GPHN: variants seen among roughly 807,000 people sequenced by gnomAD.
GPHN encodes the protein gephyrin.
In GPHN, 17 loss-of-function variants were observed where a neutral mutation model predicts 95.5. That is an observed-to-expected ratio of 0.18 (90% confidence interval 0.12 to 0.27). The LOEUF is 0.27. Ranked by LOEUF, GPHN falls within the 10% of genes least tolerant of loss-of-function variation. The pLI is 1.00. For synonymous variants in GPHN, 320 were observed against 322.5 expected (o/e 0.99, Z 0.08); for missense variants, 660 against 978.1 (o/e 0.67, Z 4.34).
At chr14:66,745,777 A>C (rs2058120939) in intron 2 of GPHN, among the ~76,000 whole-genome samples, 1 of 151,986 alleles carries the variant, frequency 6.6e-6, no homozygotes, top group Non-Finnish European at 1.5e-5. Flanking sequence ...TGATGCCCTA[A>C]TTGAATTTTT....
At chr14:66,701,779 G>T (rs941804074) in intron 2 of GPHN, among the ~76,000 whole-genome samples, 2 of 152,154 alleles carry the variant, frequency 1.3e-5, no homozygotes, top group South Asian at 2.1e-4. Flanking sequence ...CAAGCTCCTG[G>T]GGGGAGGGGC....
intron 1 of GPHN, among the ~76,000 whole-genome samples, chr14:66,641,552 T>G (rs1031035379): frequency 2.6e-5 from 4 of 151,622 alleles, no homozygotes; most frequent in African/African-American, 9.7e-5. Context: ...AAGCAAAAAT[T>G]GATAGAAGCA....
chr14:67,582,277 G>GA, the GPHN span: 2 of 1,608,594 alleles, frequency 1.2e-6, no homozygotes, highest in Non-Finnish European at 1.7e-6. The surrounding 1 kb of genome is among the most constrained non-coding windows in gnomAD (Gnocchi z 5.0). Flanking sequence ...CATGCAGCCT[G>GA]AAACACAGGA....
At chr14:67,170,983 C>T (rs1276218172) in intron 21 of GPHN, among the ~76,000 whole-genome samples, 1 of 152,166 alleles carries the variant, frequency 6.6e-6, no homozygotes, top group East Asian at 1.9e-4. Flanking sequence ...AAGTGGGAGT[C>T]AGTGTTAAAT....
rs1479792912 is a variant in GPHN at position 67,181,196 on chromosome 14, T to G, written c.*259T>G. 2 of 523,448 alleles carry G rather than the reference T, an allele frequency of 3.8e-6. No homozygotes were observed. The highest frequency in any genetic ancestry group is 6.6e-5 in the East Asian group (2 of 30,172). The allele number at this position is 523,448 out of a possible 1,614,324, so 32.4% of individuals were successfully genotyped here. On this transcript the variant is annotated 3_prime_UTR_variant, in exon 23 of 23. Coordinates refer to ENST00000478722, the MANE Select transcript of GPHN (RefSeq NM_020806.5). ...GCAAATTGCTTTGTGTGTTCAATGCTAGGTCTGATAGCGATAGCTTTTAGT... is the reference window on the plus strand; with the variant it reads ...GCAAATTGCTTTGTGTGTTCAATGCGAGGTCTGATAGCGATAGCTTTTAGT...
chr14:66,988,824 ACTACAGTAATTTATGGCTTTCATTTC>A (rs2071203014), intron 9 of GPHN, among the ~76,000 whole-genome samples: 1 of 152,054 alleles, frequency 6.6e-6, no homozygotes, highest in Non-Finnish European at 1.5e-5. Context: ...AAACTAAATT[ACTACAGTAATTTATGGCTTTCATTTC>A]TGGGGTTTCC....
intron 1 of GPHN, among the ~76,000 whole-genome samples, chr14:66,622,450 T>A (rs1177260902): frequency 6.6e-6 from 1 of 152,202 alleles, no homozygotes; most frequent in Non-Finnish European, 1.5e-5. Context: ...ATTCAGCTCC[T>A]CATTACTTTT....
chr14:66,746,849 A>AGGT (rs973050411), intron 2 of GPHN, among the ~76,000 whole-genome samples: 3 of 152,136 alleles, frequency 2.0e-5, no homozygotes, highest in African/African-American at 7.2e-5. Context: ...CTTCTCTGAA[A>AGGT]GGTAGGTCGA....
the GPHN span, among the ~76,000 whole-genome samples, chr14:67,490,697 G>A: frequency 6.6e-5 from 10 of 151,922 alleles, no homozygotes; most frequent in Non-Finnish European, 2.9e-5. Context: ...CTCTCTCCCC[G>A]GCCCCTCATC....
the GPHN span, among the ~76,000 whole-genome samples, chr14:67,284,423 A>T: frequency 7.0e-6 from 1 of 143,440 alleles, no homozygotes; most frequent in Admixed American, 7.0e-5. Context: ...CATAGACCCT[A>T]TCTCTTAAAA....
At chr14:67,672,946 C>T in the GPHN span, among the ~76,000 whole-genome samples, 1 of 152,214 alleles carries the variant, frequency 6.6e-6, no homozygotes, top group Non-Finnish European at 1.5e-5. Flanking sequence ...CTGAACACAC[C>T]AAGCTCATTT....
chr14:67,053,820 A>G lies in GPHN; in HGVS notation c.1007-4829A>G, dbSNP rs557626973. ...AGGCTGGTTCAACATATGCAAATCA[A>G]TAAACGAGATTTATCACATAAACAG... On this transcript the variant is annotated intron_variant, in intron 10 of 22. Transcript: ENST00000478722. Among the ~76,000 whole-genome samples, 47 of 152,374 alleles carry G rather than the reference A, an allele frequency of 3.1e-4. 1 individual carries two copies. In the South Asian group the frequency reaches 7.3e-3, roughly 24 times the overall value.
At chr14:67,413,464 C>T in the GPHN span, among the ~76,000 whole-genome samples, 1 of 152,112 alleles carries the variant, frequency 6.6e-6, no homozygotes, top group Non-Finnish European at 1.5e-5. Flanking sequence ...TGGGAAAGGC[C>T]CTCAGATGCC....
intron 10 of GPHN, among the ~76,000 whole-genome samples, chr14:67,025,027 A>C (rs1025771782): frequency 4.6e-5 from 7 of 152,082 alleles, no homozygotes; most frequent in African/African-American, 1.4e-4. Context: ...AGCCCCTTTG[A>C]ACCTCCAATT....
intron 4 of GPHN, among the ~76,000 whole-genome samples, chr14:66,833,614 C>G (rs1335422030): frequency 6.6e-6 from 1 of 151,556 alleles, no homozygotes; most frequent in Non-Finnish European, 1.5e-5. Flanking sequence ...GAATACATTC[C>G]TCAGTAGGAC....
the GPHN span, chr14:67,382,350 A>G: frequency 8.6e-7 from 1 of 1,166,222 alleles, no homozygotes; most frequent in Non-Finnish European, 1.2e-6. Context: ...TTTTGGGGTG[A>G]TTTGTTAATA....
chr14:67,387,364 C>T, the GPHN span: 3 of 1,610,888 alleles, frequency 1.9e-6, no homozygotes, highest in Non-Finnish European at 2.5e-6. Flanking sequence ...ATCCACTCGG[C>T]TCGCTCAGCC....
intron 8 of GPHN, among the ~76,000 whole-genome samples, chr14:66,927,576 G>C: frequency 6.6e-6 from 1 of 152,016 alleles, no homozygotes; most frequent in Admixed American, 6.6e-5. Context: ...CCAATGCTAT[G>C]TTGAATAACA....
chr14:67,693,197 A>G, the GPHN span: 1 of 536,694 alleles, frequency 1.9e-6, no homozygotes, highest in South Asian at 3.1e-5. Context: ...CCATTTAAGG[A>G]AAGTTGGAGG....
Sources: gnomAD v4.1 joint callset for allele counts (sites outside exome capture counted in the v4.1 genomes callset) on GRCh38, gnomAD v4.1.1 for gene constraint, Gnocchi (gnomAD v3.1) non-coding constraint, MANE v1.5 for transcripts, NCBI Gene and HGNC (gene_info 2026-07-23, HGNC 2026-07-21) for gene names.